C3orf70: variants seen among roughly 807,000 people sequenced by gnomAD.
C3orf70 encodes the protein chromosome 3 open reading frame 70, also known as UPF0524 protein C3orf70.
C3orf70 carries 15 observed loss-of-function variants against 20.7 expected under a neutral mutation model. The ratio of observed to expected loss-of-function variants is 0.72; its 90% CI spans 0.48 to 1.11. C3orf70 has a LOEUF of 1.11. Ranked by LOEUF, C3orf70 falls within the 50% of genes most tolerant of loss-of-function variation. C3orf70 has a pLI of 0.00. For missense variants in C3orf70, 332 were observed against 317.6 expected (o/e 1.05, Z -0.34); for synonymous variants, 161 against 125.7 (o/e 1.28, Z -1.88).
intron 1 of C3orf70, among the ~76,000 whole-genome samples, chr3:185,127,597 G>A (rs908790179): frequency 3.3e-5 from 5 of 151,936 alleles, no homozygotes; most frequent in African/African-American, 4.8e-5. Flanking sequence ...ATGCCACCAC[G>A]CCCAGCTAAT....
At chr3:185,151,619 A>G (rs1227979721) in intron 1 of C3orf70, among the ~76,000 whole-genome samples, 1 of 152,246 alleles carries the variant, frequency 6.6e-6, no homozygotes, top group Non-Finnish European at 1.5e-5. Flanking sequence ...ATGTTCGATT[A>G]ATGTAAATAA....
intron 1 of C3orf70, among the ~76,000 whole-genome samples, chr3:185,151,298 C>T (rs890899842): frequency 6.6e-6 from 1 of 152,194 alleles, no homozygotes; most frequent in African/African-American, 2.4e-5. Context: ...GAACATTCCT[C>T]ACATTTTACA....
chr3:185,098,736 T>C (rs1175675536), intron 1 of C3orf70, among the ~76,000 whole-genome samples: 1 of 152,184 alleles, frequency 6.6e-6, no homozygotes, highest in East Asian at 1.9e-4. Context: ...TGAGGGTGCT[T>C]TGAATGAGAT....
intron 1 of C3orf70, among the ~76,000 whole-genome samples, chr3:185,088,032 C>T (rs978927392): frequency 3.2e-4 from 49 of 151,900 alleles, no homozygotes; most frequent in Admixed American, 5.9e-4. Flanking sequence ...CTGCCTCAGC[C>T]TCCCGAGTAG....
rs1484186264 is a variant in C3orf70 at position 185,077,827 on chromosome 3, A to G, written c.*5180T>C. ...TCAAGTTTTATTTGCTATAAACCCA[A>G]TGTAGCCAGAGTTCTGGGAGTTATC... On this transcript the variant is annotated 3_prime_UTR_variant, in exon 2 of 2. Coordinates refer to ENST00000335012, the MANE Select transcript of C3orf70 (RefSeq NM_001025266.3). 1.3e-5 allele frequency among the ~76,000 whole-genome samples: 2 copies of G among 149,504 alleles called. No individual in the cohort carries two copies. The highest frequency in any genetic ancestry group is 3.0e-5 in the Non-Finnish European group (2 of 67,694).
rs900886965 is a variant in C3orf70, at chr3:185,082,649, G to A, written c.*358C>T. 1.7e-5 allele frequency: 4 copies of A among 229,952 alleles called. No individual in the cohort carries two copies. Among genetic ancestry groups the A allele is most frequent in the African/African-American group, 4.6e-5 (2 of 43,524 alleles). The allele number at this position is 229,952 out of a possible 1,614,324, so 14.2% of individuals were successfully genotyped here. A position where few individuals can be genotyped will look rare whatever the true frequency, so the allele number is the denominator to read the frequency against. On this transcript the variant is annotated 3_prime_UTR_variant, in exon 2 of 2. Transcript: ENST00000335012. ...GAGTCTCTGTGAAGGACTGGCTACC[G>A]AGAAAACACCGGCTCCTTCCCTTTC...
In C3orf70 at chr3:185,087,022, T is replaced by C. The variant is rs991398630; in HGVS notation, c.197-3459A>G. Among the ~76,000 whole-genome samples the C allele has an allele frequency of 6.6e-5, 10 of 152,294 alleles. No individual in the cohort carries two copies. The South Asian group carries it at 8.3e-4, about 13-fold the overall frequency. ...CCTAGGCCGAGAATCCATGTTCACA[T>C]AGCTCCGAGGCACTGCAAGATCCTG... On this transcript the variant is annotated intron_variant, in intron 1 of 1. Transcript: ENST00000335012.
intron 1 of C3orf70, among the ~76,000 whole-genome samples, chr3:185,148,770 T>C (rs964244248): frequency 6.6e-6 from 1 of 152,228 alleles, no homozygotes; most frequent in East Asian, 1.9e-4. Context: ...ACAGAACATA[T>C]GATGCTTTCC....
At position 185,077,799 on chromosome 3, in the gene C3orf70, G is replaced by GGT. The variant is rs1715230755; in HGVS notation, c.*5207_*5208insAC. Among the ~76,000 whole-genome samples the GGT allele has an allele frequency of 6.8e-6, 1 of 147,432 alleles. No individual in the cohort carries two copies. Among genetic ancestry groups the GGT allele is most frequent in the African/African-American group, 2.5e-5 (1 of 40,106 alleles). On this transcript the variant is annotated 3_prime_UTR_variant, in exon 2 of 2. Transcript: ENST00000335012. ...GCTATTTGGTGGTGGTGGGGGGGGGGTATCAAGTTTTATTTGCTATAAACC... is the reference window on the plus strand; with the variant it reads ...GCTATTTGGTGGTGGTGGGGGGGGGGGTTATCAAGTTTTATTTGCTATAAACC...
chr3:185,096,140 TTC>T (rs1350824348), intron 1 of C3orf70, among the ~76,000 whole-genome samples: 2 of 125,242 alleles, frequency 1.6e-5, no homozygotes, highest in African/African-American at 2.6e-5. Flanking sequence ...GAAAATATAC[TTC>T]TGTTTTTTTC....
chr3:185,109,928 T>C (rs1716032089), intron 1 of C3orf70, among the ~76,000 whole-genome samples: 1 of 152,178 alleles, frequency 6.6e-6, no homozygotes, highest in African/African-American at 2.4e-5. Context: ...ACACAACGAT[T>C]CCTATGGAAT....
At chr3:185,102,213 C>A (rs1715837039) in intron 1 of C3orf70, among the ~76,000 whole-genome samples, 1 of 152,210 alleles carries the variant, frequency 6.6e-6, no homozygotes, top group Non-Finnish European at 1.5e-5. Context: ...TAAACAACTT[C>A]AGCAAAGTCT....
chr3:185,083,493 C>T lies in C3orf70; in HGVS notation c.267G>A (p.Arg89=). 6.2e-7 allele frequency: 1 copy of T among 1,613,752 alleles called. No individual in the cohort carries two copies. The highest frequency in any genetic ancestry group is 8.5e-7 in the Non-Finnish European group (1 of 1,179,950). The change falls in exon 2 of 2, where the codon CGG becomes CGA. Residue 89 remains arginine, a synonymous_variant. Coordinates refer to ENST00000335012, the MANE Select transcript of C3orf70 (RefSeq NM_001025266.3). ...AGATCTGAATGGTGTTTGTGGGTTC[C>T]CGAGGCCTGGCAGGAATCTCAGTGC... ...LPSTEIPARP[R]EPTNTIQISV...
chr3:185,090,189 T>C (rs569633506), intron 1 of C3orf70, among the ~76,000 whole-genome samples: 6 of 152,204 alleles, frequency 3.9e-5, no homozygotes, highest in Non-Finnish European at 8.8e-5. Flanking sequence ...ACATTGCAAT[T>C]TGCAGCACTG....
At chr3:185,094,333 T>TC (rs1715656933) in intron 1 of C3orf70, among the ~76,000 whole-genome samples, 1 of 152,176 alleles carries the variant, frequency 6.6e-6, no homozygotes, top group Admixed American at 6.5e-5. Context: ...CACCTTGTCC[T>TC]CCCAAAGTGC....
intron 1 of C3orf70, among the ~76,000 whole-genome samples, chr3:185,086,172 G>A (rs1209713810): frequency 6.6e-6 from 1 of 152,058 alleles, no homozygotes; most frequent in Non-Finnish European, 1.5e-5. Flanking sequence ...CCGGCTTTGG[G>A]ACTTTCCTCA....
intron 1 of C3orf70, among the ~76,000 whole-genome samples, chr3:185,085,882 T>A (rs978263301): frequency 6.6e-6 from 1 of 152,308 alleles, no homozygotes; most frequent in Admixed American, 6.5e-5. Context: ...ACTACTCTTC[T>A]GTCCACAGAG....
intron 1 of C3orf70, among the ~76,000 whole-genome samples, chr3:185,109,128 A>G (rs558511313): frequency 2.6e-5 from 4 of 152,352 alleles, no homozygotes; most frequent in African/African-American, 7.2e-5. Context: ...AGGGGGAGAC[A>G]GAGAATATGG....
intron 1 of C3orf70, among the ~76,000 whole-genome samples, chr3:185,149,142 C>T (rs1257937745): frequency 6.6e-6 from 1 of 152,144 alleles, no homozygotes; most frequent in Non-Finnish European, 1.5e-5. Context: ...CCTGTAATCC[C>T]AGCAATTTGG....
Sources: gnomAD v4.1 joint callset for allele counts (sites outside exome capture counted in the v4.1 genomes callset) on GRCh38, gnomAD v4.1.1 for gene constraint, MANE v1.5 for transcripts, NCBI Gene and HGNC (gene_info 2026-07-23, HGNC 2026-07-21) for gene names.